Variants in ATP6V1G3 observed in about 807,000 individuals in gnomAD.
ATP6V1G3 encodes the protein ATPase H+ transporting V1 subunit G3, also known as V-type proton ATPase subunit G 3.
A neutral mutation model predicts 9.3 loss-of-function variants in ATP6V1G3; 9 were observed. That is an observed-to-expected ratio of 0.97 (90% CI 0.59 to 1.69). The LOEUF is 1.69. ATP6V1G3 is among the 40% of genes most tolerant of loss of function. The pLI is 0.00. For synonymous variants in ATP6V1G3, 43 were observed against 43.8 expected, an observed-to-expected ratio of 0.98 and a Z score of 0.07; for missense variants, 133 against 139.0, an observed-to-expected ratio of 0.96 and a Z score of 0.22.
upstream of ATP6V1G3, chr1:198,540,784 T>C: frequency 1.1e-6 from 1 of 927,168 alleles, no homozygotes; most frequent in East Asian, 2.5e-5. Context: ...TCAAACTGGC[T>C]TTATTGGGCT....
chr1:198,538,033 CAA>C (rs1660188851), intron 1 of ATP6V1G3, among the ~76,000 whole-genome samples: 1 of 152,156 alleles, frequency 6.6e-6, no homozygotes, highest in Admixed American at 6.5e-5. Flanking sequence ...GCTTCTGAGG[CAA>C]AGAGGACAGG....
intron 1 of ATP6V1G3, among the ~76,000 whole-genome samples, chr1:198,531,623 T>C (rs886567782): frequency 6.6e-6 from 1 of 152,136 alleles, no homozygotes; most frequent in Non-Finnish European, 1.5e-5. Flanking sequence ...TGTCCCCAGA[T>C]GCGATAAGTT....
At position 198,523,314 on chromosome 1, in the gene ATP6V1G3, A is replaced by G. The variant is rs1659515077; in HGVS notation, c.*77T>C. 1.1e-5 allele frequency: 15 copies of G among 1,394,542 alleles called. No homozygotes were observed. In the South Asian group the frequency reaches 1.8e-4, roughly 17 times the overall value. The allele number at this position is 1,394,542 out of a possible 1,614,324, so 86.4% of individuals were successfully genotyped here. On this transcript the variant is annotated 3_prime_UTR_variant, in exon 3 of 3. Coordinates refer to ENST00000367382, the MANE Select transcript of ATP6V1G3 (RefSeq NM_001376861.1). ...TTAAGGTTCTCATTTCAAATTTCTC[A>G]ACATAAAAATACGAAGCCATAAGCA...
At chr1:198,540,483 G>A (rs1033260657) in intron 1 of ATP6V1G3, 86 bp downstream of exon 1, 4 of 1,409,284 alleles carry the variant, frequency 2.8e-6, no homozygotes, top group Non-Finnish European at 4.0e-6. Flanking sequence ...TTGAAACAAG[G>A]TCTGCCTAAT....
At chr1:198,536,270 C>T (rs188257087) in intron 1 of ATP6V1G3, among the ~76,000 whole-genome samples, 1 of 152,202 alleles carries the variant, frequency 6.6e-6, no homozygotes, top group East Asian at 1.9e-4. Flanking sequence ...AAATACTTCT[C>T]TTAAAAAAGG....
At chr1:198,528,688 T>C (rs1184864717) in intron 2 of ATP6V1G3, among the ~76,000 whole-genome samples, 1 of 152,068 alleles carries the variant, frequency 6.6e-6, no homozygotes, top group Non-Finnish European at 1.5e-5. Context: ...CTTGGAAATA[T>C]TAGTTATTTA....
intron 1 of ATP6V1G3, among the ~76,000 whole-genome samples, chr1:198,534,418 C>T (rs1339745821): frequency 4.6e-5 from 7 of 152,104 alleles, no homozygotes; most frequent in African/African-American, 1.7e-4. Flanking sequence ...GGGGGTTTCT[C>T]CCTCGGTGCT....
chr1:198,525,091 A>C (rs1227429079), intron 2 of ATP6V1G3, among the ~76,000 whole-genome samples: 1 of 152,214 alleles, frequency 6.6e-6, no homozygotes, highest in African/African-American at 2.4e-5. Context: ...GCAGAATAAC[A>C]TTTTGATAAG....
At chr1:198,530,259 T>A (rs1302504574) in intron 1 of ATP6V1G3, among the ~76,000 whole-genome samples, 4 of 152,222 alleles carry the variant, frequency 2.6e-5, no homozygotes, top group African/African-American at 9.6e-5. Context: ...TGTTATATTG[T>A]AAAGACTTTG....
chr1:198,529,774 AT>A lies in ATP6V1G3; in HGVS notation c.83-594del, dbSNP rs35776327. ...GATTAAGCCTCAATACATCAAAGCA[AT>A]TTTTTTTTTTTGTAACTTTCTCTGA... On this transcript the variant is annotated intron_variant, in intron 1 of 2. Coordinates refer to ENST00000367382, the MANE Select transcript of ATP6V1G3 (RefSeq NM_001376861.1). Among the ~76,000 whole-genome samples the A allele has an allele frequency of 3.5e-3, 515 of 147,280 alleles. 6 individuals are homozygous for A. The highest frequency in any genetic ancestry group is 2.0e-3 in the Admixed American group (29 of 14,706).
intron 1 of ATP6V1G3, among the ~76,000 whole-genome samples, chr1:198,537,125 G>C (rs1240789863): frequency 6.6e-6 from 1 of 152,110 alleles, no homozygotes; most frequent in Non-Finnish European, 1.5e-5. Flanking sequence ...TGGATGTCTT[G>C]AGAGCAGAGA....
At chr1:198,529,213 T>G in intron 1 of ATP6V1G3, 32 bp from the exon 2 acceptor site, 1 of 421,322 alleles carries the variant, frequency 2.4e-6, no homozygotes, top group African/African-American at 2.2e-5. Flanking sequence ...TATATATATA[T>G]ATAATTATAT....
At chr1:198,535,999 A>ATT (rs79465930) in intron 1 of ATP6V1G3, among the ~76,000 whole-genome samples, 6,601 of 151,184 alleles carry the variant, frequency 0.044, 478 homozygotes, top group African/African-American at 0.15. Context: ...GAAAATTTAC[A>ATT]TTTTTTTTTG....
At chr1:198,529,836 G>T (rs915504285) in intron 1 of ATP6V1G3, among the ~76,000 whole-genome samples, 2 of 151,530 alleles carry the variant, frequency 1.3e-5, no homozygotes, top group South Asian at 4.2e-4. Flanking sequence ...AAAACCAATT[G>T]TTTTTAATGA....
Position 198,523,291 on chromosome 1 carries a change from A to G in ATP6V1G3, c.*100T>C. On this transcript the variant is annotated 3_prime_UTR_variant, in exon 3 of 3. Transcript: ENST00000367382. The stretch of plus-strand genomic sequence containing the variant: ...TCACATTTCCTGTAAATGTAAATTT[A>G]AGGTTCTCATTTCAAATTTCTCAAC... The G allele has an allele frequency of 8.6e-7, 1 of 1,162,492 alleles. No homozygotes were observed. Among genetic ancestry groups the G allele is most frequent in the South Asian group, 1.4e-5 (1 of 70,118 alleles). The allele number at this position is 1,162,492 out of a possible 1,614,324, so 72.0% of individuals were successfully genotyped here. A position where few individuals can be genotyped will look rare whatever the true frequency, so the allele number is the denominator to read the frequency against.
chr1:198,531,843 A>C (rs1452400681), intron 1 of ATP6V1G3, among the ~76,000 whole-genome samples: 2 of 152,138 alleles, frequency 1.3e-5, no homozygotes, highest in Non-Finnish European at 2.9e-5. Flanking sequence ...CTACCATAAA[A>C]AGTTATTGGA....
At chr1:198,535,933 A>G (rs191138013) in intron 1 of ATP6V1G3, among the ~76,000 whole-genome samples, 5 of 152,250 alleles carry the variant, frequency 3.3e-5, no homozygotes, top group Non-Finnish European at 5.9e-5. Flanking sequence ...AATTGTCTGT[A>G]GCTTTTAGAC....
In ATP6V1G3 at chr1:198,523,384, T is replaced by G; in HGVS notation, c.*7A>C. The G allele has an allele frequency of 6.2e-7, 1 of 1,610,246 alleles. No homozygotes were observed. ...CCTTTTTTTTTCTTGAAAACTGTGA[T>G]GTACATTTAGTTGGTGGCTCTGTAG... is the stretch of plus-strand genomic sequence containing the variant. On this transcript the variant is annotated 3_prime_UTR_variant, in exon 3 of 3. Coordinates refer to ENST00000367382, the MANE Select transcript of ATP6V1G3 (RefSeq NM_001376861.1).
rs1336637982 is a variant in ATP6V1G3 at position 198,529,212 on chromosome 1, AT to A, written c.83-32del. ...AATTAACAAATATATATATATATAT[AT>A]ATAATTATATATATCAATATATAAA... On this transcript the variant is annotated intron_variant, in intron 1 of 2. Coordinates refer to ENST00000367382, the MANE Select transcript of ATP6V1G3 (RefSeq NM_001376861.1). 9 of 412,350 alleles carry A rather than the reference AT, an allele frequency of 2.2e-5. No individual in the cohort carries two copies. The East Asian group carries it at 3.0e-4, about 14-fold the overall frequency. The allele number at this position is 412,350 out of a possible 1,614,324, so 25.5% of individuals were successfully genotyped here.
Sources: gnomAD v4.1 joint callset for allele counts (sites outside exome capture counted in the v4.1 genomes callset) on GRCh38, gnomAD v4.1.1 for gene constraint, MANE v1.5 for transcripts, NCBI Gene and HGNC (gene_info 2026-07-23, HGNC 2026-07-21) for gene names.